The following CAMK1D variants were observed in gnomAD, a reference collection of about 807,000 sequenced individuals.
CAMK1D encodes calcium/calmodulin-dependent protein kinase type 1D.
In CAMK1D, 9 loss-of-function variants were observed where a neutral mutation model predicts 47.7. The ratio of observed to expected loss-of-function variants is 0.19; its 90% CI spans 0.11 to 0.33. The LOEUF (loss-of-function observed/expected upper bound fraction) is 0.33. CAMK1D is among the 10% of genes least tolerant of loss of function. CAMK1D has a pLI of 1.00. For synonymous variants in CAMK1D, 184 were observed against 184.9 expected (o/e 0.99, Z 0.04); for missense variants, 291 against 488.7 (o/e 0.60, Z 3.81).
intron 3 of CAMK1D, among the ~76,000 whole-genome samples, chr10:12,692,141 A>G (rs1237185766): frequency 6.6e-6 from 1 of 152,282 alleles, no homozygotes; most frequent in East Asian, 1.9e-4. Context: ...CTGTATTAAG[A>G]GCACTTGTTT....
chr10:12,806,046 G>A (rs540706956), intron 6 of CAMK1D, among the ~76,000 whole-genome samples: 2 of 152,318 alleles, frequency 1.3e-5, no homozygotes, highest in South Asian at 4.1e-4. Flanking sequence ...GCATAGACCT[G>A]TGCACGGGGC....
At chr10:12,734,345 AATAT>A (rs1212612487) in intron 3 of CAMK1D, among the ~76,000 whole-genome samples, 12 of 8,474 alleles carry the variant, frequency 1.4e-3, no homozygotes, top group Admixed American at 5.2e-3. Context: ...AAAAAAAAAA[AATAT>A]ATATATATAT....
chr10:12,414,201 A>C (rs568783062), intron 1 of CAMK1D, among the ~76,000 whole-genome samples: 8 of 152,232 alleles, frequency 5.3e-5, no homozygotes, highest in Non-Finnish European at 1.2e-4. Flanking sequence ...GAAGGAATGG[A>C]GATGGCGAAA....
intron 2 of CAMK1D, among the ~76,000 whole-genome samples, chr10:12,644,450 A>G (rs1458925500): frequency 1.3e-5 from 2 of 152,176 alleles, no homozygotes; most frequent in African/African-American, 4.8e-5. Context: ...ATCAAAATTA[A>G]TCTTTCCTTG....
At chr10:12,711,618 A>G (rs1196144317) in intron 3 of CAMK1D, among the ~76,000 whole-genome samples, 1 of 152,112 alleles carries the variant, frequency 6.6e-6, no homozygotes, top group Non-Finnish European at 1.5e-5. Context: ...TGCCAGGTAA[A>G]ATATTCTGCA....
chr10:12,372,912 T>C (rs1202091446), intron 1 of CAMK1D, among the ~76,000 whole-genome samples: 1 of 152,238 alleles, frequency 6.6e-6, no homozygotes, highest in Non-Finnish European at 1.5e-5. Context: ...ATTATAGGCG[T>C]GAGCCACTGT....
rs77825097 is a variant in CAMK1D at position 12,790,681 on chromosome 10, T to C, written c.566-477T>C. ...TACATTCTTTATATACTGTAGCGTC[T>C]TCATATTTCTTTCTAGTTAAAAATG... On this transcript the variant is annotated intron_variant, in intron 5 of 10. Coordinates refer to ENST00000619168, the MANE Select transcript of CAMK1D (RefSeq NM_153498.4). Among the ~76,000 whole-genome samples, 953 of 152,162 alleles carry C rather than the reference T, an allele frequency of 6.3e-3. 8 individuals carry two copies. The highest frequency in any genetic ancestry group is 0.011 in the Non-Finnish European group (746 of 67,998).
At chr10:12,483,324 C>G (rs925337737) in intron 1 of CAMK1D, among the ~76,000 whole-genome samples, 1 of 152,066 alleles carries the variant, frequency 6.6e-6, no homozygotes, top group African/African-American at 2.4e-5. Context: ...CTTCAGCCTC[C>G]CAAGTAGCTG....
At chr10:12,552,836 A>G (rs567665926) in intron 1 of CAMK1D, among the ~76,000 whole-genome samples, 32 of 152,192 alleles carry the variant, frequency 2.1e-4, no homozygotes, top group Middle Eastern at 3.4e-3. Context: ...CTGCCTTCCA[A>G]GCTCAAGCGA....
intron 1 of CAMK1D, among the ~76,000 whole-genome samples, chr10:12,408,145 A>C: frequency 6.7e-6 from 1 of 150,154 alleles, no homozygotes; most frequent in African/African-American, 2.5e-5. Context: ...GGCATAAGCC[A>C]CCGCGCCTGG....
At chr10:12,626,749 A>G (rs1196713830) in intron 2 of CAMK1D, among the ~76,000 whole-genome samples, 3 of 152,186 alleles carry the variant, frequency 2.0e-5, no homozygotes, top group Non-Finnish European at 2.9e-5. Flanking sequence ...TGCTGGGATT[A>G]TAAGTGTGAG....
intron 1 of CAMK1D, among the ~76,000 whole-genome samples, chr10:12,398,596 G>T (rs967433379): frequency 6.6e-6 from 1 of 152,108 alleles, no homozygotes; most frequent in South Asian, 2.1e-4. Flanking sequence ...TGATCCGCCC[G>T]CCTCGGCCTC....
chr10:12,790,999 TC>T (rs1201934931), intron 5 of CAMK1D, among the ~76,000 whole-genome samples, 158 bp from the exon 6 acceptor site: 1 of 120,138 alleles, frequency 8.3e-6, no homozygotes, highest in Non-Finnish European at 1.8e-5. Context: ...CTATCTTCCT[TC>T]CTTTAAAAAA....
At chr10:12,727,212 T>A (rs1834685477) in intron 3 of CAMK1D, among the ~76,000 whole-genome samples, 1 of 152,194 alleles carries the variant, frequency 6.6e-6, no homozygotes, top group African/African-American at 2.4e-5. Flanking sequence ...AGGCTACAAC[T>A]TACAGGCTTC....
intron 1 of CAMK1D, among the ~76,000 whole-genome samples, chr10:12,383,744 T>G (rs931060773): frequency 3.9e-5 from 6 of 152,202 alleles, no homozygotes; most frequent in Non-Finnish European, 8.8e-5. Flanking sequence ...CTCACAGAGC[T>G]AAAATCACAC....
At chr10:12,826,256 G>C (rs969926934) in intron 10 of CAMK1D, 1 of 153,256 alleles carries the variant, frequency 6.5e-6, no homozygotes, top group South Asian at 2.1e-4. Flanking sequence ...ATAAAGGCCT[G>C]GACTCTTTCT....
At chr10:12,496,172 A>G (rs988293843) in intron 1 of CAMK1D, among the ~76,000 whole-genome samples, 6 of 152,148 alleles carry the variant, frequency 3.9e-5, no homozygotes, top group Admixed American at 2.6e-4. Flanking sequence ...ATGTAGGCAA[A>G]TGCATTCTTG....
intron 1 of CAMK1D, among the ~76,000 whole-genome samples, chr10:12,396,591 T>C (rs887003728): frequency 2.6e-5 from 4 of 152,230 alleles, no homozygotes; most frequent in African/African-American, 9.6e-5. Context: ...CTCTTTTCTG[T>C]TGCTTTGCTA....
chr10:12,419,657 C>G (rs1257054698), intron 1 of CAMK1D, among the ~76,000 whole-genome samples: 1 of 152,014 alleles, frequency 6.6e-6, no homozygotes, highest in Non-Finnish European at 1.5e-5. Flanking sequence ...CACACACACA[C>G]ACACACACAC....
Sources: allele counts gnomAD v4.1 joint callset (sites outside exome capture counted in the v4.1 genomes callset), GRCh38; gene constraint gnomAD v4.1.1; transcripts MANE v1.5; gene names NCBI Gene and HGNC (gene_info 2026-07-23, HGNC 2026-07-21).